GOLIM4: variants seen among roughly 807,000 people sequenced by gnomAD.
GOLIM4 encodes the protein 130 kDa golgi-localized phosphoprotein.
GOLIM4 carries 71 observed loss-of-function variants against 107.4 expected under a neutral mutation model. The observed-to-expected ratio is 0.66, with a 90% CI of 0.55 to 0.81. The LOEUF is 0.81. Among genes scored for constraint, GOLIM4 ranks in the 30% least tolerant of loss-of-function variants. The pLI is 0.00. For missense variants in GOLIM4, 830 were observed against 826.1 expected (o/e 1.00, Z -0.06); for synonymous variants, 327 against 294.8 (o/e 1.11, Z -1.12).
intron 14 of GOLIM4, among the ~76,000 whole-genome samples, chr3:168,020,472 C>A (rs1228835884): frequency 6.6e-6 from 1 of 152,136 alleles, no homozygotes; most frequent in Admixed American, 6.6e-5. Context: ...AGATCAAAAT[C>A]TCAAGGGTAA....
intron 14 of GOLIM4, among the ~76,000 whole-genome samples, chr3:168,023,260 T>C (rs1014060442): frequency 6.6e-6 from 1 of 152,226 alleles, no homozygotes; most frequent in Non-Finnish European, 1.5e-5. Flanking sequence ...ATCTTTTTCT[T>C]GCCCAATGTC....
chr3:168,050,822 TATAATAATAATAATAATA>T (rs140084468), intron 1 of GOLIM4, among the ~76,000 whole-genome samples: 22,755 of 136,260 alleles, frequency 0.17, 2,134 homozygotes, highest in Middle Eastern at 0.22. Context: ...TAGCAACACC[TATAATAATAATAATAATA>T]ATAATAATAA....
chr3:168,062,778 A>G (rs1315608083), intron 1 of GOLIM4, among the ~76,000 whole-genome samples: 1 of 152,200 alleles, frequency 6.6e-6, no homozygotes, highest in Non-Finnish European at 1.5e-5. Flanking sequence ...GCACTGAAGC[A>G]AACTATATTT....
At chr3:168,028,640 T>C (rs1266342216) in intron 11 of GOLIM4, among the ~76,000 whole-genome samples, 8 of 152,186 alleles carry the variant, frequency 5.3e-5, no homozygotes, top group African/African-American at 9.7e-5. Context: ...ATGGCGGACA[T>C]AAGGAAAACA....
At chr3:168,081,843 A>C (rs1721386324) in intron 1 of GOLIM4, among the ~76,000 whole-genome samples, 1 of 152,180 alleles carries the variant, frequency 6.6e-6, no homozygotes, top group Non-Finnish European at 1.5e-5. Context: ...GGATTCTAGG[A>C]ATGCAATTTA....
At chr3:168,055,039 A>C (rs1224054197) in intron 1 of GOLIM4, among the ~76,000 whole-genome samples, 1 of 152,228 alleles carries the variant, frequency 6.6e-6, no homozygotes, top group African/African-American at 2.4e-5. Context: ...CTGTAAGTCC[A>C]ATAAACTGCT....
In GOLIM4 at chr3:168,055,125, C is replaced by G. The variant is rs550830650; in HGVS notation, c.188-6760G>C. On this transcript the variant is annotated intron_variant, in intron 1 of 15. Coordinates refer to ENST00000470487, the MANE Select transcript of GOLIM4 (RefSeq NM_014498.5). The stretch of plus-strand genomic sequence containing the variant: ...AACAAACTAACACAGTAAATTGGTA[C>G]CAGTAGAGTGGGGTGCTGCTGAAAA... Among the ~76,000 whole-genome samples, 9 of 152,046 alleles carry G rather than the reference C, an allele frequency of 5.9e-5. 1 individual carries two copies. In the South Asian group the frequency reaches 1.9e-3, roughly 32 times the overall value.
intron 14 of GOLIM4, among the ~76,000 whole-genome samples, chr3:168,013,014 G>A (rs1717145393): frequency 6.8e-6 from 1 of 147,996 alleles, no homozygotes; most frequent in Non-Finnish European, 1.5e-5. Flanking sequence ...ACATCATAAT[G>A]ACAGGATGAA....
At chr3:168,035,882 T>C (rs970536934) in intron 8 of GOLIM4, among the ~76,000 whole-genome samples, 1 of 151,500 alleles carries the variant, frequency 6.6e-6, no homozygotes, top group Non-Finnish European at 1.5e-5. Flanking sequence ...TAGAAATTAG[T>C]GGTAATGGTA....
rs769340639 is a variant in GOLIM4 at position 168,010,223 on chromosome 3, T to C, written c.*46A>G. 1.5e-5 allele frequency: 23 copies of C among 1,565,688 alleles called. No individual in the cohort carries two copies. The highest frequency in any genetic ancestry group is 1.1e-4 in the Admixed American group (6 of 53,926). On this transcript the variant is annotated 3_prime_UTR_variant, in exon 16 of 16. Transcript: ENST00000470487. ...GTAGGCAGATTTATGTTTGAGCAGC[T>C]TGAAAAGAATCCGTTGGCTGAGCGT...
chr3:168,039,804 AC>A (rs1240539183), intron 7 of GOLIM4, among the ~76,000 whole-genome samples: 1 of 152,212 alleles, frequency 6.6e-6, no homozygotes, highest in African/African-American at 2.4e-5. Flanking sequence ...TATAAAGAAG[AC>A]GTGAAATGAA....
chr3:168,082,208 C>T (rs981828533), intron 1 of GOLIM4, among the ~76,000 whole-genome samples: 2 of 152,100 alleles, frequency 1.3e-5, no homozygotes, highest in African/African-American at 2.4e-5. Context: ...GAACCACCCC[C>T]GCCAAGGATC....
In GOLIM4 at chr3:168,044,871, T is replaced by C. The variant is rs1182630682; in HGVS notation, c.323A>G (p.Asn108Ser). 2.6e-6 allele frequency: 4 copies of C among 1,554,720 alleles called. No homozygotes were observed. Among genetic ancestry groups the C allele is most frequent in the East Asian group, 2.2e-5 (1 of 44,480 alleles). Residue 108 changes from asparagine to serine, a missense_variant, in exon 4 of 16, where the codon AAT (asparagine) becomes AGT (serine). By Grantham distance (46) the Asn-to-Ser change is conservative. Transcript: ENST00000470487. ...GACATTCAGTGCACTGTATCTGCTATTGGAATCTTGCTGTAAATCAAAAAA... is the reference window on the plus strand; with the variant it reads ...GACATTCAGTGCACTGTATCTGCTACTGGAATCTTGCTGTAAATCAAAAAA... ...ETLNKGRQDS[N>S]SRYSALNVQH... is the part of the protein sequence containing the mutation.
intron 1 of GOLIM4, among the ~76,000 whole-genome samples, chr3:168,080,401 A>G (rs1721294578): frequency 6.6e-6 from 1 of 152,188 alleles, no homozygotes. Flanking sequence ...TCCTGATGCT[A>G]TAGTTTTAAA....
rs567368020 is a variant in GOLIM4 at position 168,095,635 on chromosome 3, C to G, written c.-350G>C. The G allele has an allele frequency of 1.2e-5, 3 of 242,490 alleles. No individual in the cohort carries two copies. Among genetic ancestry groups the G allele is most frequent in the African/African-American group, 7.0e-5 (3 of 42,596 alleles). The allele number at this position is 242,490 out of a possible 1,614,324, so 15.0% of individuals were successfully genotyped here. The stretch of plus-strand genomic sequence containing the variant: ...TTTCCTTCTTCCCACTTTTTGGCCC[C>G]GCTGCCCCCGGGCAGTTCTTGGAGT... On this transcript the variant is annotated 5_prime_UTR_variant, in exon 1 of 16. Transcript: ENST00000470487.
intron 1 of GOLIM4, among the ~76,000 whole-genome samples, chr3:168,081,701 A>G (rs910071699): frequency 9.9e-5 from 15 of 152,192 alleles, no homozygotes; most frequent in African/African-American, 3.6e-4. Flanking sequence ...AATGGTAATA[A>G]CACAGAGTTA....
intron 1 of GOLIM4, among the ~76,000 whole-genome samples, chr3:168,068,713 T>C (rs947875799): frequency 6.9e-4 from 105 of 152,166 alleles, no homozygotes; most frequent in African/African-American, 2.5e-3. Context: ...GCATACCCAT[T>C]TGCCATTGAT....
chr3:168,076,991 G>C (rs1721111379), intron 1 of GOLIM4, among the ~76,000 whole-genome samples: 1 of 152,172 alleles, frequency 6.6e-6, no homozygotes, highest in Admixed American at 6.5e-5. Context: ...CTTTTGTTTA[G>C]AATTTATGCT....
intron 1 of GOLIM4, among the ~76,000 whole-genome samples, chr3:168,062,224 G>A (rs911810015): frequency 4.6e-5 from 7 of 152,088 alleles, no homozygotes; most frequent in African/African-American, 1.7e-4. Flanking sequence ...GTTTTCCCAA[G>A]CATAGCCATC....
Sources: gnomAD v4.1 joint callset for allele counts (sites outside exome capture counted in the v4.1 genomes callset) on GRCh38, gnomAD v4.1.1 for gene constraint, MANE v1.5 for transcripts, NCBI Gene and HGNC (gene_info 2026-07-23, HGNC 2026-07-21) for gene names.